The following TMEM267 variants were observed in gnomAD, a reference collection of about 807,000 sequenced individuals.
TMEM267 encodes the protein transmembrane protein 267.
Under a neutral mutation model 19.3 loss-of-function variants are expected in TMEM267, and 20 were observed. That is an observed-to-expected ratio of 1.04 (90% confidence interval 0.73 to 1.51). The LOEUF is 1.51. Among genes scored for constraint, TMEM267 ranks in the 40% most tolerant of loss-of-function variants. The pLI, the probability that TMEM267 is intolerant of heterozygous loss-of-function variation, is 0.00. For missense variants in TMEM267, 242 were observed against 261.9 expected (o/e 0.92, Z 0.52); for synonymous variants, 88 against 90.3 (o/e 0.97, Z 0.15).
At chr5:43,481,809 C>T (rs1187208664) in intron 1 of TMEM267, among the ~76,000 whole-genome samples, 4 of 152,020 alleles carry the variant, frequency 2.6e-5, no homozygotes, top group African/African-American at 7.2e-5. Flanking sequence ...CTTGACCCCA[C>T]AGAAAGAATA....
At chr5:43,476,508 C>CTTTTTTTTTTTTTTT (rs67848213) in intron 1 of TMEM267, among the ~76,000 whole-genome samples, 5 of 54,796 alleles carry the variant, frequency 9.1e-5, no homozygotes, top group African/African-American at 7.8e-5. Context: ...AAAGCCAGAC[C>CTTTTTTTTTTTTTTT]TTTTTTTTTT....
chr5:43,454,247 A>G (rs1742803745), intron 1 of TMEM267, among the ~76,000 whole-genome samples: 3 of 143,412 alleles, frequency 2.1e-5, no homozygotes, highest in Admixed American at 1.4e-4. Flanking sequence ...AGCAGGGTAC[A>G]TGGTATGTAT....
chr5:43,462,105 G>A (rs1016447689), intron 1 of TMEM267, among the ~76,000 whole-genome samples: 1 of 152,200 alleles, frequency 6.6e-6, no homozygotes, highest in Non-Finnish European at 1.5e-5. Context: ...CAGACTGTTT[G>A]AGGGAAAGTA....
At chr5:43,481,690 A>G (rs1032457417) in intron 1 of TMEM267, among the ~76,000 whole-genome samples, 1 of 152,136 alleles carries the variant, frequency 6.6e-6, no homozygotes, top group Non-Finnish European at 1.5e-5. Context: ...CTCACAGTGA[A>G]CTTGGAAGCA....
At chr5:43,479,144 C>G (rs1374199055) in intron 1 of TMEM267, among the ~76,000 whole-genome samples, 1 of 151,302 alleles carries the variant, frequency 6.6e-6, no homozygotes, top group Non-Finnish European at 1.5e-5. Flanking sequence ...AAATATGCAG[C>G]CATTAAAAAA....
intron 1 of TMEM267, among the ~76,000 whole-genome samples, chr5:43,473,139 C>CAAAAAAAAAA (rs71610311): frequency 1.1e-4 from 9 of 84,482 alleles, no homozygotes; most frequent in East Asian, 4.9e-4. Context: ...CTCCGTGTCA[C>CAAAAAAAAAA]AAAAAAAAAA....
At chr5:43,473,000 T>C (rs1430734168) in intron 1 of TMEM267, among the ~76,000 whole-genome samples, 1 of 151,814 alleles carries the variant, frequency 6.6e-6, no homozygotes, top group Non-Finnish European at 1.5e-5. Context: ...TAGCCGGGTG[T>C]GGTGGCGTGC....
At chr5:43,472,674 G>A (rs978433032) in intron 1 of TMEM267, among the ~76,000 whole-genome samples, 1 of 152,136 alleles carries the variant, frequency 6.6e-6, no homozygotes, top group African/African-American at 2.4e-5. Flanking sequence ...ATTTTGCTAA[G>A]TGAAATAAGC....
At chr5:43,480,684 C>T (rs1026330125) in intron 1 of TMEM267, among the ~76,000 whole-genome samples, 1 of 151,692 alleles carries the variant, frequency 6.6e-6, no homozygotes, top group Non-Finnish European at 1.5e-5. Context: ...AAGCCAATAT[C>T]CACTTAACTG....
rs1021799432 is a variant in TMEM267 at position 43,446,138 on chromosome 5, G to C, written c.*84C>G. 2.5e-6 allele frequency: 2 copies of C among 815,086 alleles called. No individual in the cohort carries two copies. Among genetic ancestry groups the C allele is most frequent in the East Asian group, 5.2e-5 (2 of 38,248 alleles). 50.5% of individuals were successfully genotyped at this position (815,086 alleles called of 1,614,324 possible). A position where few individuals can be genotyped will look rare whatever the true frequency, so the allele number is the denominator to read the frequency against. On this transcript the variant is annotated 3_prime_UTR_variant, in exon 3 of 3. Transcript: ENST00000397080. Reference sequence around the variant, plus strand: ...AACTAAATAATATAAACACCTAACTGTATTTTTAAAAATTAACTTTAATGT... The same window carrying C: ...AACTAAATAATATAAACACCTAACTCTATTTTTAAAAATTAACTTTAATGT...
At chr5:43,464,624 CA>C (rs1743515270) in intron 1 of TMEM267, among the ~76,000 whole-genome samples, 1 of 152,240 alleles carries the variant, frequency 6.6e-6, no homozygotes, top group Admixed American at 6.5e-5. Flanking sequence ...ATCAATGGAA[CA>C]GAACAGAGCC....
intron 1 of TMEM267, among the ~76,000 whole-genome samples, chr5:43,454,781 T>G (rs1385653146): frequency 6.6e-6 from 1 of 152,216 alleles, no homozygotes; most frequent in Non-Finnish European, 1.5e-5. Context: ...TTTACATTTC[T>G]GATGCCTTGA....
At chr5:43,453,126 C>T (rs954265290) in intron 2 of TMEM267, among the ~76,000 whole-genome samples, 2 of 152,218 alleles carry the variant, frequency 1.3e-5, no homozygotes, top group African/African-American at 4.8e-5. Flanking sequence ...AGTTGAAATA[C>T]ATGCCTTTCG....
At chr5:43,474,892 G>C (rs1046851023) in intron 1 of TMEM267, among the ~76,000 whole-genome samples, 1 of 152,172 alleles carries the variant, frequency 6.6e-6, no homozygotes, top group East Asian at 1.9e-4. Flanking sequence ...TGCTGGAGAG[G>C]ATGTGGAGAA....
intron 1 of TMEM267, 94 bp from the exon 2 acceptor site, chr5:43,454,137 A>G: frequency 1.1e-6 from 1 of 879,288 alleles, no homozygotes; most frequent in African/African-American, 1.7e-5. Flanking sequence ...TCACAAACAT[A>G]AAACCAAGAT....
At chr5:43,450,454 ATACT>A (rs1201948980) in intron 2 of TMEM267, among the ~76,000 whole-genome samples, 8 of 152,366 alleles carry the variant, frequency 5.3e-5, no homozygotes, top group Admixed American at 2.6e-4. Context: ...AAATATTTTA[ATACT>A]TAATTCAAAA....
chr5:43,456,892 T>A (rs1742984617), intron 1 of TMEM267, among the ~76,000 whole-genome samples: 1 of 152,246 alleles, frequency 6.6e-6, no homozygotes, highest in African/African-American at 2.4e-5. Context: ...ATTCCACTTC[T>A]AGGTATTTTC....
chr5:43,458,390 C>A (rs1743071669), intron 1 of TMEM267, among the ~76,000 whole-genome samples: 1 of 152,220 alleles, frequency 6.6e-6, no homozygotes. Flanking sequence ...GCGTGAGCCA[C>A]TGAACCTGGC....
chr5:43,448,389 T>C (rs1742378901), intron 2 of TMEM267, among the ~76,000 whole-genome samples: 1 of 152,158 alleles, frequency 6.6e-6, no homozygotes. Context: ...ACCAAGAATA[T>C]GTTAGAATAA....
Sources: allele counts gnomAD v4.1 joint callset (sites outside exome capture counted in the v4.1 genomes callset), GRCh38; gene constraint gnomAD v4.1.1; transcripts MANE v1.5; gene names NCBI Gene and HGNC (gene_info 2026-07-23, HGNC 2026-07-21).